The following GUCY1A1 variants were observed in gnomAD, a reference collection of about 807,000 sequenced individuals.
The protein encoded by GUCY1A1 is guanylate cyclase soluble subunit alpha-1.
A neutral mutation model predicts 64.5 loss-of-function variants in GUCY1A1; 48 were observed. That is an observed-to-expected ratio of 0.74 (90% confidence interval 0.59 to 0.95). GUCY1A1 has a LOEUF of 0.95. Among genes scored for constraint, GUCY1A1 ranks in the 40% least tolerant of loss-of-function variants. The pLI is 0.00. For synonymous variants in GUCY1A1, 308 were observed against 303.4 expected, an observed-to-expected ratio of 1.02 and a Z score of -0.16; for missense variants, 804 against 825.3, an observed-to-expected ratio of 0.97 and a Z score of 0.32.
At chr4:155,687,187 G>A (rs1251295685) in intron 2 of GUCY1A1, among the ~76,000 whole-genome samples, 10 of 152,084 alleles carry the variant, frequency 6.6e-5, no homozygotes. Flanking sequence ...CTTGTAGTAT[G>A]CAATGAGCAT....
At position 155,734,509 on chromosome 4, in the gene GUCY1A1, A is replaced by C. The variant is rs1735874117; in HGVS notation, c.*4278A>C. On this transcript the variant is annotated 3_prime_UTR_variant, in exon 10 of 10. Coordinates refer to ENST00000506455, the MANE Select transcript of GUCY1A1 (RefSeq NM_001130682.3). ...AGATCACTACCTTTCACTGAACAGT[A>C]AAACATGGATCATTTATTTCACCTC... 1 of 151,966 alleles carries C rather than the reference A, an allele frequency of 6.6e-6. No individual in the cohort carries two copies. Among genetic ancestry groups the C allele is most frequent in the African/African-American group, 2.4e-5 (1 of 41,424 alleles). 9.4% of individuals were successfully genotyped at this position (151,966 alleles called of 1,614,324 possible).
At chr4:155,699,072 T>G (rs1461274304) in intron 3 of GUCY1A1, among the ~76,000 whole-genome samples, 3 of 151,986 alleles carry the variant, frequency 2.0e-5, no homozygotes, top group Non-Finnish European at 4.4e-5. Flanking sequence ...ACTGTAGATT[T>G]ATTTATTTAT....
chr4:155,689,884 G>A (rs1043348956), intron 2 of GUCY1A1, among the ~76,000 whole-genome samples: 7 of 152,074 alleles, frequency 4.6e-5, no homozygotes, highest in Non-Finnish European at 8.8e-5. Context: ...CATCAGTATG[G>A]GCTCTTGAGT....
chr4:155,674,333 G>A lies in GUCY1A1; in HGVS notation c.-113+6914G>A, dbSNP rs140353531. ...TGCGCCACTGCACTCCAGCCTGGGC[G>A]ACAGAGCGAGACTCCATCTAAAAAA... is the stretch of plus-strand genomic sequence containing the variant. On this transcript the variant is annotated intron_variant, in intron 2 of 9. Transcript: ENST00000506455. Among the ~76,000 whole-genome samples the A allele has an allele frequency of 9.5e-3, 1,344 of 142,010 alleles. 52 individuals are homozygous for A. Among genetic ancestry groups the A allele is most frequent in the African/African-American group, 0.024 (889 of 36,310 alleles). 93.2% of individuals were successfully genotyped at this position (142,010 alleles called of 152,430 possible). A position where few individuals can be genotyped will look rare whatever the true frequency, so the allele number is the denominator to read the frequency against.
At chr4:155,678,456 G>T (rs979102514) in intron 2 of GUCY1A1, among the ~76,000 whole-genome samples, 3 of 151,998 alleles carry the variant, frequency 2.0e-5, no homozygotes, top group Non-Finnish European at 4.4e-5. Flanking sequence ...CATTTCTTAG[G>T]TACATTTTAC....
intron 6 of GUCY1A1, 133 bp from the exon 7 acceptor site, chr4:155,712,965 A>AAG: frequency 2.8e-6 from 2 of 702,170 alleles, no homozygotes; most frequent in South Asian, 3.9e-5. Flanking sequence ...TAGGAACTAT[A>AAG]AGAAAGCAAA....
At chr4:155,713,611 T>G in intron 7 of GUCY1A1, 28 bp downstream of exon 7, 4 of 1,599,614 alleles carry the variant, frequency 2.5e-6, no homozygotes, top group Non-Finnish European at 3.4e-6. Context: ...AAATAATTGT[T>G]TTACCAGCAA....
chr4:155,718,914 T>A (rs1228724424), intron 8 of GUCY1A1, among the ~76,000 whole-genome samples: 1 of 152,168 alleles, frequency 6.6e-6, no homozygotes, highest in Non-Finnish European at 1.5e-5. Flanking sequence ...AATATCTGAC[T>A]TTTTCAGATT....
chr4:155,721,241 G>A (rs1733922025), intron 8 of GUCY1A1, among the ~76,000 whole-genome samples: 1 of 152,088 alleles, frequency 6.6e-6, no homozygotes, highest in South Asian at 2.1e-4. Context: ...TACAGCCTGA[G>A]TGACAGAGCA....
intron 2 of GUCY1A1, among the ~76,000 whole-genome samples, chr4:155,680,988 C>T (rs1735680892): frequency 6.6e-6 from 1 of 151,916 alleles, no homozygotes; most frequent in African/African-American, 2.4e-5. Context: ...CACACGTGCA[C>T]ATAAACCTGC....
intron 2 of GUCY1A1, among the ~76,000 whole-genome samples, chr4:155,690,516 A>T (rs1729596482): frequency 6.6e-6 from 1 of 152,134 alleles, no homozygotes; most frequent in Non-Finnish European, 1.5e-5. Context: ...ATCTTGTTTA[A>T]TGCGGTTTGT....
chr4:155,688,096 C>T (rs1375899704), intron 2 of GUCY1A1, among the ~76,000 whole-genome samples: 4 of 151,704 alleles, frequency 2.6e-5, no homozygotes, highest in African/African-American at 4.8e-5. Flanking sequence ...GGCGTGGTGG[C>T]GGGCGCCTGT....
At chr4:155,667,565 CG>C (rs949856620) in intron 2 of GUCY1A1, 146 bp downstream of exon 2, 3 of 152,128 alleles carry the variant, frequency 2.0e-5, no homozygotes, top group Non-Finnish European at 4.4e-5. Context: ...AAGCCAGCAT[CG>C]GGTTCCCACG....
chr4:155,713,113 G>A lies in GUCY1A1; in HGVS notation c.1102G>A (p.Gly368Ser). Residue 368 changes from glycine (G) to serine (S), a missense_variant, in exon 7 of 10, where the codon GGC (glycine) becomes AGC (serine). Transcript: ENST00000506455. ...KKSSRVMDLK[G>S]QMIYIVESSA... ...TCCTTCATAGGTTATGGACCTCAAA[G>A]GCCAAATGATCTACATTGTTGAATC... 1 of 1,611,336 alleles carries A rather than the reference G, an allele frequency of 6.2e-7. No homozygotes were observed. Among genetic ancestry groups the A allele is most frequent in the South Asian group, 1.1e-5 (1 of 90,726 alleles).
intron 4 of GUCY1A1, among the ~76,000 whole-genome samples, chr4:155,705,598 T>A (rs892864441): frequency 1.6e-4 from 24 of 151,574 alleles, no homozygotes; most frequent in African/African-American, 5.8e-4. Flanking sequence ...AATTTCAAGG[T>A]TTATTTGGTC....
intron 2 of GUCY1A1, among the ~76,000 whole-genome samples, chr4:155,681,081 G>A (rs760657533): frequency 5.2e-4 from 79 of 152,172 alleles, no homozygotes; most frequent in Admixed American, 1.1e-3. Context: ...GTGAGAGCAG[G>A]CATCTTTGCT....
At chr4:155,683,778 T>G (rs1454157599) in intron 2 of GUCY1A1, among the ~76,000 whole-genome samples, 14 of 152,204 alleles carry the variant, frequency 9.2e-5, no homozygotes, top group Admixed American at 9.2e-4. Flanking sequence ...TGGTCTGAGA[T>G]GAAGTAGTTA....
chr4:155,730,420 A>G lies in GUCY1A1; in HGVS notation c.*189A>G, dbSNP rs1579142846. ...CACTTCAGTACTTCAGCTCTTCAAGAAAAAAAAAAAAAACCTTAAAAAGCT... is the reference window on the plus strand; with the variant it reads ...CACTTCAGTACTTCAGCTCTTCAAGGAAAAAAAAAAAAACCTTAAAAAGCT... On this transcript the variant is annotated 3_prime_UTR_variant, in exon 10 of 10. Transcript: ENST00000506455. The G allele has an allele frequency of 6.1e-5, 2 of 32,932 alleles. No homozygotes were observed. The highest frequency in any genetic ancestry group is 1.2e-4 in the Non-Finnish European group (2 of 16,090). The allele number at this position is 32,932 out of a possible 1,614,324, so 2.0% of individuals were successfully genotyped here. A position where few individuals can be genotyped will look rare whatever the true frequency, so the allele number is the denominator to read the frequency against.
intron 2 of GUCY1A1, among the ~76,000 whole-genome samples, chr4:155,677,342 T>C (rs544431225): frequency 6.6e-6 from 1 of 152,204 alleles, no homozygotes; most frequent in Non-Finnish European, 1.5e-5. Context: ...TGGAAAATAT[T>C]GGTCCATTGA....
Sources: allele counts gnomAD v4.1 joint callset (sites outside exome capture counted in the v4.1 genomes callset), GRCh38; gene constraint gnomAD v4.1.1; transcripts MANE v1.5; gene names NCBI Gene and HGNC (gene_info 2026-07-23, HGNC 2026-07-21).